The following GLIS3 variants were observed in gnomAD, a reference collection of about 807,000 sequenced individuals.
The protein encoded by GLIS3 is GLIS family zinc finger 3.
Under a neutral mutation model 78.6 loss-of-function variants are expected in GLIS3, and 53 were observed. That is an observed-to-expected ratio of 0.67 (90% CI 0.54 to 0.85). The LOEUF is 0.85. Among genes scored for constraint, GLIS3 ranks in the 40% least tolerant of loss-of-function variants. GLIS3 has a pLI of 0.00. For synonymous variants in GLIS3, 684 were observed against 509.9 expected (o/e 1.34, Z -4.60); for missense variants, 1,703 against 1,231.1 (o/e 1.38, Z -5.74).
At chr9:4,054,527 G>C in intron 4 of GLIS3, 3 of 983,542 alleles carry the variant, frequency 3.1e-6, no homozygotes, top group Non-Finnish European at 3.6e-6. Flanking sequence ...CAGAGAAGGA[G>C]GCAAACACAG....
chr9:4,160,160 T>G (rs975221801), intron 2 of GLIS3, among the ~76,000 whole-genome samples: 15 of 152,216 alleles, frequency 9.9e-5, no homozygotes, highest in African/African-American at 3.4e-4. Context: ...TTGGTCTATT[T>G]TGCCTCCGCT....
the GLIS3 span, among the ~76,000 whole-genome samples, chr9:4,432,843 G>A: frequency 2.0e-5 from 3 of 151,738 alleles, no homozygotes; most frequent in African/African-American, 4.8e-5. Context: ...GTTTCATCAC[G>A]TTGCCCAGTC....
At chr9:3,851,577 T>A (rs1819434582) in intron 9 of GLIS3, among the ~76,000 whole-genome samples, 1 of 152,238 alleles carries the variant, frequency 6.6e-6, no homozygotes, top group African/African-American at 2.4e-5. Context: ...TCTTTCAAAG[T>A]GTGCCTTTTA....
At chr9:4,278,288 C>T (rs1166012009) in intron 2 of GLIS3, among the ~76,000 whole-genome samples, 2 of 152,226 alleles carry the variant, frequency 1.3e-5, no homozygotes, top group African/African-American at 4.8e-5. Flanking sequence ...AACACCCTTT[C>T]AGCCAGTTTT....
intron 4 of GLIS3, among the ~76,000 whole-genome samples, chr9:4,040,160 G>A (rs1202562913): frequency 6.6e-6 from 1 of 152,100 alleles, no homozygotes; most frequent in African/African-American, 2.4e-5. Flanking sequence ...TTATGGAGGG[G>A]TGGTGATTTT....
At chr9:3,867,950 T>G (rs1820707602) in intron 8 of GLIS3, among the ~76,000 whole-genome samples, 1 of 152,168 alleles carries the variant, frequency 6.6e-6, no homozygotes, top group African/African-American at 2.4e-5. Context: ...AAGAATGATG[T>G]TCATGATGAC....
At chr9:4,085,148 G>C (rs921674650) in intron 4 of GLIS3, among the ~76,000 whole-genome samples, 17 of 152,134 alleles carry the variant, frequency 1.1e-4, no homozygotes, top group African/African-American at 4.1e-4. Context: ...TTCAGGTCAA[G>C]TAAAGCAATG....
At chr9:4,251,701 G>C (rs1029483746) in intron 2 of GLIS3, among the ~76,000 whole-genome samples, 3 of 152,016 alleles carry the variant, frequency 2.0e-5, no homozygotes, top group Non-Finnish European at 4.4e-5. Context: ...CTTCAGTGTC[G>C]ATGGTCTTTA....
the GLIS3 span, among the ~76,000 whole-genome samples, chr9:4,367,669 T>C: frequency 1.5e-4 from 22 of 147,034 alleles, no homozygotes; most frequent in Admixed American, 1.5e-3. Flanking sequence ...GTTCTCTATG[T>C]GAGCAGATAC....
chr9:4,377,601 G>A, the GLIS3 span, among the ~76,000 whole-genome samples: 3 of 77,798 alleles, frequency 3.9e-5, no homozygotes, highest in East Asian at 8.1e-4. Flanking sequence ...CTAATACAGG[G>A]TAATAATGCT....
At chr9:4,300,527 T>C (rs1240420879), upstream of GLIS3, among the ~76,000 whole-genome samples, 1 of 152,058 alleles carries the variant, frequency 6.6e-6, no homozygotes, top group Non-Finnish European at 1.5e-5. Flanking sequence ...GGTGAAGCAC[T>C]AAGGAAGGCT....
At chr9:4,243,624 T>C (rs117058726) in intron 2 of GLIS3, among the ~76,000 whole-genome samples, 2,365 of 152,308 alleles carry the variant, frequency 0.016, 31 homozygotes, top group South Asian at 0.059. Flanking sequence ...AAAGATTTAA[T>C]AGCCATTTTC....
chr9:4,235,424 T>C (rs993191427), intron 2 of GLIS3, among the ~76,000 whole-genome samples: 2 of 152,090 alleles, frequency 1.3e-5, no homozygotes, highest in African/African-American at 4.8e-5. Context: ...AAAATGCAAC[T>C]TTTATCAACT....
chr9:3,898,924 C>G, intron 6 of GLIS3, 89 bp from the exon 7 acceptor site: 2 of 1,565,214 alleles, frequency 1.3e-6, no homozygotes, highest in South Asian at 2.3e-5. Context: ...ATCAGTGCAA[C>G]TCAGCCCACA....
chr9:3,915,959 T>A (rs1824483520), intron 6 of GLIS3, among the ~76,000 whole-genome samples: 1 of 152,198 alleles, frequency 6.6e-6, no homozygotes, highest in South Asian at 2.1e-4. Context: ...GGGGGCCATA[T>A]TTTTTATCTG....
chr9:4,148,512 C>A (rs1586810608), intron 2 of GLIS3, among the ~76,000 whole-genome samples: 1 of 152,138 alleles, frequency 6.6e-6, no homozygotes, highest in Non-Finnish European at 1.5e-5. Flanking sequence ...ATTCATTTGT[C>A]TTTTGTGCTG....
intron 8 of GLIS3, among the ~76,000 whole-genome samples, chr9:3,860,804 C>G (rs1280212069): frequency 2.0e-5 from 3 of 152,186 alleles, no homozygotes; most frequent in African/African-American, 7.2e-5. Flanking sequence ...TTTATTCATT[C>G]AAGGGGTCTT....
intron 4 of GLIS3, among the ~76,000 whole-genome samples, chr9:3,953,795 CTATATATATA>C (rs57500093): frequency 8.7e-4 from 64 of 73,332 alleles, no homozygotes; most frequent in African/African-American, 1.3e-3. Flanking sequence ...CTCTCTCTCT[CTATATATATA>C]TATATATATA....
At chr9:4,463,416 T>C in the GLIS3 span, among the ~76,000 whole-genome samples, 3 of 152,198 alleles carry the variant, frequency 2.0e-5, no homozygotes, top group Non-Finnish European at 4.4e-5. Context: ...CTTCATGCTC[T>C]CTCACCCAAC....
Sources: gnomAD v4.1 joint callset for allele counts (sites outside exome capture counted in the v4.1 genomes callset) on GRCh38, gnomAD v4.1.1 for gene constraint, MANE v1.5 for transcripts, NCBI Gene and HGNC (gene_info 2026-07-23, HGNC 2026-07-21) for gene names.